The following PLA2G6 variants were observed in gnomAD, a reference collection of about 807,000 sequenced individuals.
PLA2G6 encodes the protein phospholipase A2 group VI.
A neutral mutation model predicts 83.8 loss-of-function variants in PLA2G6; 62 were observed. The ratio of observed to expected loss-of-function variants is 0.74; its 90% CI spans 0.60 to 0.91. The LOEUF is 0.91. Ranked by LOEUF, PLA2G6 falls within the 40% of genes least tolerant of loss-of-function variation. The probability of loss-of-function intolerance (pLI) is 0.00; values close to 1 mark genes in which losing one functional copy is unlikely to be tolerated. For missense variants in PLA2G6, 944 were observed against 1,102.0 expected, an observed-to-expected ratio of 0.86 and a Z score of 2.03; for synonymous variants, 417 against 449.8, an observed-to-expected ratio of 0.93 and a Z score of 0.92.
chr22:38,177,385 C>T (rs1020233294), intron 1 of PLA2G6, among the ~76,000 whole-genome samples: 4 of 152,080 alleles, frequency 2.6e-5, no homozygotes, highest in African/African-American at 9.7e-5. Flanking sequence ...CCCCTCACAC[C>T]CCATCAGCAC....
At chr22:38,178,978 A>G (rs555413668) in intron 1 of PLA2G6, among the ~76,000 whole-genome samples, 5 of 152,374 alleles carry the variant, frequency 3.3e-5, no homozygotes, top group African/African-American at 9.6e-5. Flanking sequence ...GTAAATATTT[A>G]CAAAGGTTTT....
At chr22:38,154,593 TAG>T (rs2089703290) in intron 2 of PLA2G6, among the ~76,000 whole-genome samples, 1 of 152,182 alleles carries the variant, frequency 6.6e-6, no homozygotes, top group African/African-American at 2.4e-5. Context: ...ACCAAAAACT[TAG>T]ATCACAATAC....
At position 38,115,676 on chromosome 22, in the gene PLA2G6, G is replaced by C; in HGVS notation, c.1885C>G (p.Leu629Val). ...LRPPAQPSDQ[L>V]VWRAARSSGA... ...CTGCTTCGGGCCGCCCGCCACACCA[G>C]CTGGTCTAGGGGCGGGGAAGGAGGG... The change falls in exon 14 of 17, where the codon CTG becomes GTG. Residue 629 changes from leucine (L) to valine (V), a missense_variant. Leu to Val is a conservative substitution (Grantham distance 32). Transcript: ENST00000332509. The C allele has an allele frequency of 1.2e-6, 2 of 1,601,838 alleles. No homozygotes were observed. Among genetic ancestry groups the C allele is most frequent in the African/African-American group, 1.3e-5 (1 of 74,870 alleles).
intron 9 of PLA2G6, chr22:38,127,460 T>C: frequency 7.5e-7 from 1 of 1,329,882 alleles, no homozygotes; most frequent in South Asian, 1.2e-5. Context: ...GGTGACTGCC[T>C]GCAAAATTGA....
chr22:38,112,848 G>A (rs536386918), intron 15 of PLA2G6: 1 of 579,848 alleles, frequency 1.7e-6, no homozygotes, highest in Non-Finnish European at 3.1e-6. Flanking sequence ...GAGTCGACAG[G>A]CCTCCATGTC....
intron 7 of PLA2G6, 27 bp from the exon 8 acceptor site, chr22:38,129,589 C>A (rs190185377): frequency 2.6e-6 from 4 of 1,551,864 alleles, no homozygotes; most frequent in African/African-American, 2.7e-5. Flanking sequence ...GAGGATAAGA[C>A]GTGCAACTGC....
intron 10 of PLA2G6, among the ~76,000 whole-genome samples, chr22:38,124,755 G>A (rs975128860): frequency 6.6e-6 from 1 of 152,206 alleles, no homozygotes; most frequent in Non-Finnish European, 1.5e-5. Flanking sequence ...TGCCCAAGAG[G>A]GCTGATAAAT....
intron 2 of PLA2G6, among the ~76,000 whole-genome samples, chr22:38,152,566 C>T (rs2089610622): frequency 6.6e-6 from 1 of 151,176 alleles, no homozygotes; most frequent in South Asian, 2.1e-4. Flanking sequence ...CACTTCCTTT[C>T]TTGCCATGTG....
intron 3 of PLA2G6, chr22:38,143,719 A>C (rs2089062457): frequency 3.1e-6 from 1 of 320,272 alleles, no homozygotes; most frequent in Non-Finnish European, 6.1e-6. Context: ...CACGCCTGGA[A>C]ACTAAAGTGC....
chr22:38,129,944 G>A (rs995441303), intron 7 of PLA2G6, among the ~76,000 whole-genome samples: 4 of 152,210 alleles, frequency 2.6e-5, no homozygotes, highest in African/African-American at 9.7e-5. Context: ...GGAGAGGGTG[G>A]GTGAGGGCAG....
intron 10 of PLA2G6, among the ~76,000 whole-genome samples, chr22:38,124,940 T>A (rs11570722): frequency 0.019 from 2,910 of 152,262 alleles, 79 homozygotes; most frequent in African/African-American, 0.067. Flanking sequence ...GCTCTGTAGC[T>A]TGGAAGGCCC....
intron 5 of PLA2G6, chr22:38,139,467 T>C (rs905969453): frequency 4.2e-5 from 6 of 142,718 alleles, no homozygotes; most frequent in African/African-American, 7.6e-5. Flanking sequence ...ACAGTTTCGC[T>C]CTTATTGCCC....
chr22:38,177,964 A>G (rs2145970684), intron 1 of PLA2G6, among the ~76,000 whole-genome samples: 1 of 152,336 alleles, frequency 6.6e-6, no homozygotes, highest in South Asian at 2.1e-4. Context: ...CTTGCTCAAC[A>G]GGCTCTTAGA....
intron 2 of PLA2G6, among the ~76,000 whole-genome samples, chr22:38,164,254 G>A (rs1346595325): frequency 2.0e-5 from 3 of 152,184 alleles, no homozygotes; most frequent in Non-Finnish European, 4.4e-5. Flanking sequence ...GGCGGGTGGA[G>A]CTCCACTCAG....
At chr22:38,173,231 T>G (rs1271990422) in intron 1 of PLA2G6, among the ~76,000 whole-genome samples, 1 of 152,002 alleles carries the variant, frequency 6.6e-6, no homozygotes, top group Non-Finnish European at 1.5e-5. Context: ...ATGCCTCACT[T>G]CATCTCTCCC....
At chr22:38,146,767 TTTTTC>T (rs201905296) in intron 2 of PLA2G6, 3 of 143,550 alleles carry the variant, frequency 2.1e-5, no homozygotes, top group African/African-American at 2.6e-5. Flanking sequence ...GAAACTTTTC[TTTTTC>T]TTTTCTTTTC....
In PLA2G6 at chr22:38,112,179, C is replaced by G; in HGVS notation, c.2403G>C (p.Gln801His). Residue 801 changes from glutamine (Q) to histidine (H), a missense_variant, in exon 17 of 17, where the codon CAG (glutamine) becomes CAC (histidine). By Grantham distance (24) the Gln-to-His change is conservative. Coordinates refer to ENST00000332509, the MANE Select transcript of PLA2G6 (RefSeq NM_003560.4). ...EHREEFQKLI[Q>H]LLLSP ...GGGACCCTCAGGGTGAGAGCAGCAG[C>G]TGGATGAGCTTCTGGAACTCCTCGC... The G allele has an allele frequency of 6.3e-7, 1 of 1,589,626 alleles. No homozygotes were observed. Among genetic ancestry groups the G allele is most frequent in the Non-Finnish European group, 8.6e-7 (1 of 1,168,550 alleles).
At chr22:38,161,849 A>G (rs1324914545) in intron 2 of PLA2G6, among the ~76,000 whole-genome samples, 2 of 152,126 alleles carry the variant, frequency 1.3e-5, no homozygotes, top group Non-Finnish European at 2.9e-5. Flanking sequence ...GTGAACAGAG[A>G]AATGCAGAAA....
intron 10 of PLA2G6, among the ~76,000 whole-genome samples, chr22:38,125,338 G>C (rs5756919): frequency 1.3e-5 from 2 of 152,170 alleles, no homozygotes; most frequent in African/African-American, 4.8e-5. Flanking sequence ...GTGTGTGTGC[G>C]TGTGCCCGCG....
Sources: allele counts gnomAD v4.1 joint callset (sites outside exome capture counted in the v4.1 genomes callset), GRCh38; gene constraint gnomAD v4.1.1; transcripts MANE v1.5; gene names NCBI Gene and HGNC (gene_info 2026-07-23, HGNC 2026-07-21).